TMEM131L: variants seen among roughly 807,000 people sequenced by gnomAD.
The protein encoded by TMEM131L is transmembrane 131 like, also known as transmembrane protein 131-like.
TMEM131L carries 54 observed loss-of-function variants against 192.2 expected under a neutral mutation model. That is an observed-to-expected ratio of 0.28 (90% CI 0.23 to 0.35). The LOEUF (loss-of-function observed/expected upper bound fraction) is 0.35. Among genes scored for constraint, TMEM131L ranks in the 10% least tolerant of loss-of-function variants. The probability of loss-of-function intolerance (pLI) is 1.00; values close to 1 mark genes in which losing one functional copy is unlikely to be tolerated. For missense variants in TMEM131L, 1,888 were observed against 1,972.9 expected (o/e 0.96, Z 0.82); for synonymous variants, 701 against 704.9 (o/e 0.99, Z 0.09).
At chr4:153,558,873 T>C (rs960103107) in intron 7 of TMEM131L, 1 of 152,296 alleles carries the variant, frequency 6.6e-6, no homozygotes, top group Non-Finnish European at 1.5e-5. Context: ...TCTGATGTTA[T>C]AGTAGATGTA....
chr4:153,584,948 T>C lies in TMEM131L; in HGVS notation c.1157+17T>C. On this transcript the variant is annotated intron_variant, in intron 12 of 34. Coordinates refer to ENST00000409959, the MANE Select transcript of TMEM131L (RefSeq NM_001131007.2). The stretch of plus-strand genomic sequence containing the variant: ...GGCTCAGGGGTAGGTTACTTCCACT[T>C]TCCCTGAAATCTTGTATGGTTGTTG... The C allele has an allele frequency of 6.5e-7, 1 of 1,549,528 alleles. No homozygotes were observed. Among genetic ancestry groups the C allele is most frequent in the Non-Finnish European group, 8.9e-7 (1 of 1,121,180 alleles).
At chr4:153,612,487 C>T in intron 26 of TMEM131L, 87 bp downstream of exon 26, 1 of 1,011,976 alleles carries the variant, frequency 9.9e-7, no homozygotes, top group Non-Finnish European at 1.4e-6. Flanking sequence ...ATATGTTTCA[C>T]TGCATTTGAA....
chr4:153,612,466 A>G (rs1357930717), intron 26 of TMEM131L, 66 bp downstream of exon 26: 3 of 1,227,036 alleles, frequency 2.4e-6, no homozygotes, highest in African/African-American at 3.1e-5. Flanking sequence ...TTAAGTGAAT[A>G]TGTGTATTTC....
At chr4:153,529,552 G>C (rs1735738403) in intron 3 of TMEM131L, among the ~76,000 whole-genome samples, 1 of 152,136 alleles carries the variant, frequency 6.6e-6, no homozygotes, top group Non-Finnish European at 1.5e-5. Context: ...AAAGAGAAGA[G>C]AAAACTGAAT....
At chr4:153,563,183 C>T (rs1280833416) in intron 7 of TMEM131L, among the ~76,000 whole-genome samples, 2 of 152,152 alleles carry the variant, frequency 1.3e-5, no homozygotes, top group Non-Finnish European at 2.9e-5. Context: ...CTTGACTCAT[C>T]CATCTGTGAA....
At chr4:153,544,569 C>A (rs1248740183) in intron 3 of TMEM131L, among the ~76,000 whole-genome samples, 1 of 152,216 alleles carries the variant, frequency 6.6e-6, no homozygotes, top group Admixed American at 6.5e-5. Context: ...AGCCAGCAGG[C>A]CAGCTTGTGA....
intron 26 of TMEM131L, among the ~76,000 whole-genome samples, chr4:153,617,703 C>A (rs1733088254): frequency 6.6e-6 from 1 of 152,202 alleles, no homozygotes; most frequent in Non-Finnish European, 1.5e-5. Context: ...ACACAGTGAA[C>A]AGGATCCTGC....
At chr4:153,508,492 A>C (rs1470672158) in intron 3 of TMEM131L, among the ~76,000 whole-genome samples, 1 of 152,140 alleles carries the variant, frequency 6.6e-6, no homozygotes, top group Non-Finnish European at 1.5e-5. Flanking sequence ...AAACACAATT[A>C]CTGAGCACCT....
At chr4:153,602,046 A>G in intron 21 of TMEM131L, 106 bp from the exon 22 acceptor site, 1 of 657,130 alleles carries the variant, frequency 1.5e-6, no homozygotes, top group Non-Finnish European at 2.4e-6. Flanking sequence ...CATTTTAGTA[A>G]TGTAGATCAT....
chr4:153,559,537 T>C (rs1377569271), intron 7 of TMEM131L, among the ~76,000 whole-genome samples: 1 of 151,982 alleles, frequency 6.6e-6, no homozygotes, highest in African/African-American at 2.4e-5. Context: ...TAAGGATAAG[T>C]GGAATGAAGG....
intron 25 of TMEM131L, among the ~76,000 whole-genome samples, chr4:153,609,715 T>G (rs990393006): frequency 3.9e-5 from 6 of 152,244 alleles, no homozygotes; most frequent in Non-Finnish European, 8.8e-5. Context: ...TAAGAAACTT[T>G]GATGACTAAT....
At chr4:153,496,814 A>G (rs1478941875) in intron 3 of TMEM131L, among the ~76,000 whole-genome samples, 1 of 147,884 alleles carries the variant, frequency 6.8e-6, no homozygotes, top group Non-Finnish European at 1.5e-5. Context: ...GGCCTCCCAA[A>G]GTGCTGGGAT....
chr4:153,635,362 TGCCTGAGAG>T, intron 33 of TMEM131L, 61 bp from the exon 34 acceptor site: 7 of 1,491,104 alleles, frequency 4.7e-6, no homozygotes, highest in South Asian at 3.6e-5. Context: ...AAAGCTTTTT[TGCCTGAGAG>T]TGAGAATTCA....
chr4:153,598,533 C>T, intron 20 of TMEM131L, 57 bp from the exon 21 acceptor site: 1 of 1,433,878 alleles, frequency 7.0e-7, no homozygotes, highest in East Asian at 2.3e-5. Flanking sequence ...AATTTAAGTA[C>T]ATTGTACCTT....
chr4:153,486,325 G>A (rs1238100956), intron 3 of TMEM131L, among the ~76,000 whole-genome samples: 1 of 152,214 alleles, frequency 6.6e-6, no homozygotes, highest in Non-Finnish European at 1.5e-5. Context: ...TGAAATATTG[G>A]GATTAGTTTG....
At chr4:153,490,115 G>T (rs1295007185) in intron 3 of TMEM131L, among the ~76,000 whole-genome samples, 1 of 152,094 alleles carries the variant, frequency 6.6e-6, no homozygotes, top group Non-Finnish European at 1.5e-5. Flanking sequence ...TATTTCAGCT[G>T]CAGTTTTCCA....
At chr4:153,590,415 T>TTGC (rs2150828499) in intron 16 of TMEM131L, among the ~76,000 whole-genome samples, 1 of 152,376 alleles carries the variant, frequency 6.6e-6, no homozygotes, top group Admixed American at 6.5e-5. Context: ...ATTATTGGCA[T>TTGC]TGCTGAGTTG....
chr4:153,583,512 T>G, intron 10 of TMEM131L, 52 bp from the exon 11 acceptor site: 1 of 1,224,856 alleles, frequency 8.2e-7, no homozygotes, highest in Non-Finnish European at 1.2e-6. Context: ...TCAAACTGGA[T>G]AAATACTCTC....
intron 7 of TMEM131L, among the ~76,000 whole-genome samples, chr4:153,579,580 T>C (rs2150717607): frequency 6.6e-6 from 1 of 152,234 alleles, no homozygotes; most frequent in Non-Finnish European, 1.5e-5. Flanking sequence ...CAATCAATCA[T>C]CCCACCTCAG....
Sources: gnomAD v4.1 joint callset for allele counts (sites outside exome capture counted in the v4.1 genomes callset) on GRCh38, gnomAD v4.1.1 for gene constraint, MANE v1.5 for transcripts, NCBI Gene and HGNC (gene_info 2026-07-23, HGNC 2026-07-21) for gene names.